Variants in GPC6 observed in about 807,000 individuals in gnomAD.
GPC6 encodes the protein glypican-6.
Under a neutral mutation model 55.2 loss-of-function variants are expected in GPC6, and 14 were observed. That is an observed-to-expected ratio of 0.25 (90% CI 0.17 to 0.40). The LOEUF (loss-of-function observed/expected upper bound fraction) is 0.40. GPC6 is among the 10% of genes least tolerant of loss of function. The pLI is 1.00. For missense variants in GPC6, 641 were observed against 708.5 expected (o/e 0.90, Z 1.08); for synonymous variants, 278 against 259.6 (o/e 1.07, Z -0.68).
intron 4 of GPC6, among the ~76,000 whole-genome samples, chr13:94,219,330 C>G (rs576672713): frequency 6.6e-6 from 1 of 152,284 alleles, no homozygotes; most frequent in African/African-American, 2.4e-5. Context: ...GGCCCTGGCA[C>G]TTTTTAGGTA....
intron 2 of GPC6, among the ~76,000 whole-genome samples, chr13:93,728,674 C>T (rs1014088238): frequency 1.3e-5 from 2 of 152,040 alleles, no homozygotes. Context: ...TGAAGTCATT[C>T]TCCAGCCTCA....
rs542216317 is a variant in GPC6 at position 93,384,018 on chromosome 13, T to C, written c.160+156402T>C. On this transcript the variant is annotated intron_variant, in intron 1 of 8. Transcript: ENST00000377047. ...TCTTGATTTAGTGTTCTCTCACTTA[T>C]TAAAGGCTTGGATCATACCAAAGAC... Among the ~76,000 whole-genome samples the C allele has an allele frequency of 2.6e-5, 4 of 152,282 alleles. No homozygotes were observed. In the East Asian group the frequency reaches 7.7e-4, roughly 29 times the overall value.
chr13:93,517,630 T>C (rs1343215884), intron 1 of GPC6, among the ~76,000 whole-genome samples: 5 of 152,098 alleles, frequency 3.3e-5, no homozygotes, highest in Non-Finnish European at 5.9e-5. Flanking sequence ...TCAGTGGCTG[T>C]TGTAATTTTT....
chr13:94,227,682 C>A (rs1890599786), intron 4 of GPC6, among the ~76,000 whole-genome samples: 1 of 152,120 alleles, frequency 6.6e-6, no homozygotes, highest in Admixed American at 6.5e-5. Context: ...GCAGCAGTAA[C>A]AAACAACCCC....
chr13:93,381,900 G>A (rs1875189932), intron 1 of GPC6, among the ~76,000 whole-genome samples: 1 of 152,028 alleles, frequency 6.6e-6, no homozygotes, highest in African/African-American at 2.4e-5. Flanking sequence ...CATAATTACA[G>A]GGGTTTAATT....
At chr13:93,527,312 C>A (rs928990135) in intron 1 of GPC6, among the ~76,000 whole-genome samples, 3 of 151,960 alleles carry the variant, frequency 2.0e-5, no homozygotes, top group East Asian at 1.9e-4. Context: ...AAAAACATTA[C>A]GTTCGATGTA....
At chr13:94,116,178 A>G (rs1886422664) in intron 4 of GPC6, among the ~76,000 whole-genome samples, 3 of 152,242 alleles carry the variant, frequency 2.0e-5, no homozygotes, top group East Asian at 3.9e-4. Flanking sequence ...ATAGTTAACT[A>G]AATAGTTCCT....
chr13:94,125,603 T>C (rs2138858780), intron 4 of GPC6, among the ~76,000 whole-genome samples: 1 of 152,232 alleles, frequency 6.6e-6, no homozygotes, highest in African/African-American at 2.4e-5. Flanking sequence ...GCCTTGGAAA[T>C]CCTGGGAGCA....
chr13:94,229,018 G>C (rs774720477), intron 4 of GPC6, among the ~76,000 whole-genome samples: 1 of 152,138 alleles, frequency 6.6e-6, no homozygotes, highest in Non-Finnish European at 1.5e-5. Flanking sequence ...TATCATATCT[G>C]GTGGGAACTG....
At chr13:94,178,929 C>T (rs1888889468) in intron 4 of GPC6, among the ~76,000 whole-genome samples, 2 of 152,212 alleles carry the variant, frequency 1.3e-5, no homozygotes, top group Admixed American at 6.5e-5. Context: ...AAGCACTTTT[C>T]AAGTAGCAAA....
intron 1 of GPC6, among the ~76,000 whole-genome samples, chr13:93,282,377 AC>A (rs1403069174): frequency 6.6e-6 from 1 of 151,864 alleles, no homozygotes; most frequent in African/African-American, 2.4e-5. Context: ...TTCATACCAA[AC>A]CCCCTCATCC....
At chr13:94,081,128 C>G (rs1885082690) in intron 4 of GPC6, among the ~76,000 whole-genome samples, 1 of 152,138 alleles carries the variant, frequency 6.6e-6, no homozygotes. Context: ...AGGCTTATCA[C>G]CAGGTATTGC....
chr13:93,258,694 T>C (rs1877035792), intron 1 of GPC6, among the ~76,000 whole-genome samples: 1 of 152,036 alleles, frequency 6.6e-6, no homozygotes, highest in African/African-American at 2.4e-5. Flanking sequence ...ATCCTAGCAC[T>C]TTAGGAGGCT....
intron 1 of GPC6, among the ~76,000 whole-genome samples, chr13:93,261,954 A>C (rs2139041463): frequency 6.7e-6 from 1 of 149,818 alleles, no homozygotes; most frequent in Non-Finnish European, 1.5e-5. Context: ...ACACACACAC[A>C]CACACACACA....
At chr13:93,698,407 A>G (rs1347918918) in intron 2 of GPC6, among the ~76,000 whole-genome samples, 2 of 131,998 alleles carry the variant, frequency 1.5e-5, no homozygotes, top group African/African-American at 5.8e-5. Flanking sequence ...TTTTGTTTTT[A>G]TCTTGGAAAT....
chr13:93,907,310 A>G (rs1042593956), intron 3 of GPC6, among the ~76,000 whole-genome samples: 2 of 152,196 alleles, frequency 1.3e-5, no homozygotes, highest in Non-Finnish European at 2.9e-5. Flanking sequence ...TCTTGATGAC[A>G]TAATGTGGTG....
At chr13:93,335,992 T>C (rs768129849) in intron 1 of GPC6, among the ~76,000 whole-genome samples, 21 of 152,218 alleles carry the variant, frequency 1.4e-4, no homozygotes, top group Admixed American at 1.2e-3. Context: ...AAAATGTTAA[T>C]TGATGATGAA....
chr13:94,378,486 G>T (rs539727556), intron 6 of GPC6, among the ~76,000 whole-genome samples: 30 of 152,146 alleles, frequency 2.0e-4, no homozygotes, highest in Non-Finnish European at 2.9e-4. Context: ...TTACAGTACT[G>T]TAATGGTAGG....
intron 3 of GPC6, among the ~76,000 whole-genome samples, chr13:93,952,899 G>A (rs1566619716): frequency 3.4e-5 from 5 of 144,938 alleles, no homozygotes; most frequent in South Asian, 4.3e-4. Flanking sequence ...TGATATATAC[G>A]TGTATATATG....
Sources: allele counts gnomAD v4.1 joint callset (sites outside exome capture counted in the v4.1 genomes callset), GRCh38; gene constraint gnomAD v4.1.1; transcripts MANE v1.5; gene names NCBI Gene and HGNC (gene_info 2026-07-23, HGNC 2026-07-21).